Variants in ZFYVE16 observed in about 807,000 individuals in gnomAD.
ZFYVE16 encodes zinc finger FYVE domain-containing protein 16.
ZFYVE16 carries 89 observed loss-of-function variants against 138.1 expected under a neutral mutation model. That is an observed-to-expected ratio of 0.64 (90% confidence interval 0.54 to 0.77). ZFYVE16 has a LOEUF of 0.77. Among genes scored for constraint, ZFYVE16 ranks in the 30% least tolerant of loss-of-function variants. The pLI, the probability that ZFYVE16 is intolerant of heterozygous loss-of-function variation, is 0.00. For missense variants in ZFYVE16, 1,793 were observed against 1,786.7 expected (o/e 1.00, Z -0.06); for synonymous variants, 596 against 618.3 (o/e 0.96, Z 0.53).
At chr5:80,408,471 C>G (rs568500629) in intron 1 of ZFYVE16, among the ~76,000 whole-genome samples, 1 of 152,206 alleles carries the variant, frequency 6.6e-6, no homozygotes. Context: ...GGGGAGAGAC[C>G]CCAGCGGACG....
At chr5:80,453,292 TAAG>T (rs1561305194) in intron 11 of ZFYVE16, among the ~76,000 whole-genome samples, 1 of 152,230 alleles carries the variant, frequency 6.6e-6, no homozygotes, top group Non-Finnish European at 1.5e-5. Flanking sequence ...ACAAAGAGCT[TAAG>T]AAATTTCACT....
chr5:80,451,861 AC>A, intron 11 of ZFYVE16, 152 bp downstream of exon 11: 1 of 725,536 alleles, frequency 1.4e-6, no homozygotes, highest in Non-Finnish European at 2.2e-6. Context: ...CTCTTCTACT[AC>A]CAGGTTGGTC....
At chr5:80,414,861 G>T (rs1745979123) in intron 1 of ZFYVE16, among the ~76,000 whole-genome samples, 1 of 152,154 alleles carries the variant, frequency 6.6e-6, no homozygotes, top group Admixed American at 6.5e-5. Context: ...GAGAGGTAGG[G>T]GATGCAGACT....
Position 80,474,786 on chromosome 5 carries a change from G to A in ZFYVE16, c.4417G>A (p.Gly1473Arg). The A allele has an allele frequency of 6.2e-7, 1 of 1,613,440 alleles. No homozygotes were observed. The highest frequency in any genetic ancestry group is 8.5e-7 in the Non-Finnish European group (1 of 1,179,648). ...TCACCTGAAAACTCTAAAAAGTAAT[G>A]GGATGAATAAAATTGGACTCAGAGT... ...CPHLKTLKSN[G>R]MNKIGLRVSI... is the part of the protein sequence containing the mutation. Residue 1473 changes from glycine to arginine, a missense_variant, in exon 18 of 19, where the codon GGG becomes AGG. Physicochemically the swap from Gly to Arg is moderately radical, Grantham distance 125. Transcript: ENST00000505560.
At chr5:80,453,021 A>G (rs1752150750) in intron 11 of ZFYVE16, among the ~76,000 whole-genome samples, 1 of 152,206 alleles carries the variant, frequency 6.6e-6, no homozygotes, top group African/African-American at 2.4e-5. Flanking sequence ...CGTCTAATGA[A>G]CTTTTTAGAC....
intron 11 of ZFYVE16, 166 bp downstream of exon 11, chr5:80,451,875 G>T: frequency 1.6e-6 from 1 of 629,706 alleles, no homozygotes; most frequent in East Asian, 2.9e-5. Context: ...GGTTGGTCTA[G>T]ATAACTGTGG....
intron 4 of ZFYVE16, among the ~76,000 whole-genome samples, chr5:80,439,652 A>G (rs1561280680): frequency 6.6e-6 from 1 of 152,186 alleles, no homozygotes; most frequent in Non-Finnish European, 1.5e-5. Flanking sequence ...TTTTAATATT[A>G]TGAACTTATT....
At position 80,479,912 on chromosome 5, in the gene ZFYVE16, A is replaced by G. The variant is rs1755201566; in HGVS notation, c.*2535A>G. Among the ~76,000 whole-genome samples, 1 of 152,344 alleles carries G rather than the reference A, an allele frequency of 6.6e-6. No individual in the cohort carries two copies. Among genetic ancestry groups the G allele is most frequent in the African/African-American group, 2.4e-5 (1 of 41,584 alleles). On this transcript the variant is annotated 3_prime_UTR_variant, in exon 19 of 19. Transcript: ENST00000505560. ...TCAGAGGTGGAAGAACCAATGTAAA[A>G]GAACAGGCAAGTTTAGAATTGCCCC...
At chr5:80,412,167 C>T (rs1334873947) in intron 1 of ZFYVE16, among the ~76,000 whole-genome samples, 2 of 152,068 alleles carry the variant, frequency 1.3e-5, no homozygotes, top group African/African-American at 2.4e-5. Flanking sequence ...TCATCTCTTA[C>T]CTTAACCATT....
At chr5:80,427,745 C>T (rs369671417) in intron 2 of ZFYVE16, among the ~76,000 whole-genome samples, 200 bp downstream of exon 2, 37 of 149,746 alleles carry the variant, frequency 2.5e-4, no homozygotes, top group African/African-American at 8.3e-4. Flanking sequence ...GAGGCTGAGA[C>T]GGGCAGAAGA....
chr5:80,440,779 A>AT, intron 5 of ZFYVE16: 1 of 983,120 alleles, frequency 1.0e-6, no homozygotes, highest in Non-Finnish European at 1.2e-6. Context: ...TGACAGTTTA[A>AT]TTCCTAGCAA....
At chr5:80,457,321 C>A (rs1204356782) in intron 14 of ZFYVE16, among the ~76,000 whole-genome samples, 1 of 152,174 alleles carries the variant, frequency 6.6e-6, no homozygotes, top group African/African-American at 2.4e-5. Flanking sequence ...CTTTTGACAT[C>A]TTTAGGTTTA....
intron 7 of ZFYVE16, among the ~76,000 whole-genome samples, chr5:80,447,750 G>A (rs911350335): frequency 1.3e-5 from 2 of 152,042 alleles, no homozygotes; most frequent in African/African-American, 4.8e-5. Context: ...AGTTCTTCTT[G>A]CCTCATTTTT....
intron 15 of ZFYVE16, among the ~76,000 whole-genome samples, chr5:80,469,262 C>T (rs954815105): frequency 1.3e-5 from 2 of 151,964 alleles, no homozygotes; most frequent in Non-Finnish European, 2.9e-5. Context: ...ACCACCACAC[C>T]TGGCTATTTT....
chr5:80,437,892 CATAAAG>C lies in ZFYVE16; in HGVS notation c.1212_1217del (p.Lys404_Asp405del), dbSNP rs1280274783. 9.3e-6 allele frequency: 15 copies of C among 1,613,916 alleles called. No individual in the cohort carries two copies. The highest frequency in any genetic ancestry group is 1.3e-5 in the Non-Finnish European group (15 of 1,179,916). ...GGGTGATTTTTTACCTCAGCATGAA[CATAAAG>C]ATAATATACAAGATGCAGTGACTAT... On this transcript the variant is annotated inframe_deletion, in exon 4 of 19. Coordinates refer to ENST00000505560, the MANE Select transcript of ZFYVE16 (RefSeq NM_001284236.3).
Position 80,437,387 on chromosome 5 carries a change from T to G in ZFYVE16, c.702T>G (p.Asn234Lys). The G allele has an allele frequency of 6.2e-7, 1 of 1,604,102 alleles. No homozygotes were observed. Among genetic ancestry groups the G allele is most frequent in the Non-Finnish European group, 8.5e-7 (1 of 1,176,876 alleles). ...ATTTAAAAGATAAAAAGATCTTTAATCAGTTAGAATCAATTGTTGATTTTA... is the reference window on the plus strand; with the variant it reads ...ATTTAAAAGATAAAAAGATCTTTAAGCAGTTAGAATCAATTGTTGATTTTA... ...TENLKDKKIF[N>K]QLESIVDFNM... Residue 234 changes from asparagine to lysine, a missense_variant, in exon 4 of 19, where the codon AAT (asparagine) becomes AAG (lysine). By Grantham distance (94) the Asn-to-Lys change is moderately conservative. This residue lies in a region of ZFYVE16 where 1,295 missense variants were observed against 1,204.3 expected (regional missense o/e 1.08). Transcript: ENST00000505560.
At chr5:80,413,030 G>C (rs1249007565) in intron 1 of ZFYVE16, among the ~76,000 whole-genome samples, 1 of 151,996 alleles carries the variant, frequency 6.6e-6, no homozygotes. Context: ...AACAAAATTA[G>C]CTGGGTTGTG....
At chr5:80,424,780 G>T (rs939884058) in intron 1 of ZFYVE16, among the ~76,000 whole-genome samples, 4 of 152,070 alleles carry the variant, frequency 2.6e-5, no homozygotes, top group Non-Finnish European at 5.9e-5. Flanking sequence ...CCTTTTGTTT[G>T]TTTGGTATCT....
chr5:80,427,788 G>T (rs1748331076), intron 2 of ZFYVE16, among the ~76,000 whole-genome samples: 1 of 150,612 alleles, frequency 6.6e-6, no homozygotes, highest in Non-Finnish European at 1.5e-5. Flanking sequence ...GGCCAAAATG[G>T]TGAAACCCCC....
Sources: gnomAD v4.1 joint callset for allele counts (sites outside exome capture counted in the v4.1 genomes callset) on GRCh38, gnomAD v4.1.1 for gene constraint, gnomAD v4.1.1 regional missense constraint, MANE v1.5 for transcripts, NCBI Gene and HGNC (gene_info 2026-07-23, HGNC 2026-07-21) for gene names.